Variants in SVIL observed in about 807,000 individuals in gnomAD.
SVIL encodes the protein supervillin, also known as archvillin.
In SVIL, 101 loss-of-function variants were observed where a neutral mutation model predicts 240.4. The observed-to-expected ratio is 0.42, with a 90% CI of 0.36 to 0.50. SVIL has a LOEUF of 0.50. Ranked by LOEUF, SVIL falls within the 20% of genes least tolerant of loss-of-function variation. SVIL has a pLI of 0.01. For synonymous variants in SVIL, 999 were observed against 1,100.0 expected, an observed-to-expected ratio of 0.91 and a Z score of 1.82; for missense variants, 2,512 against 2,818.7, an observed-to-expected ratio of 0.89 and a Z score of 2.46.
chr10:29,538,997 T>C (rs567584103), intron 6 of SVIL, among the ~76,000 whole-genome samples: 281 of 152,180 alleles, frequency 1.8e-3, no homozygotes, highest in African/African-American at 6.6e-3. Context: ...ACTCTGTCTG[T>C]ATTTAAAAAA....
chr10:29,699,210 C>T (rs572912852), intron 1 of SVIL, among the ~76,000 whole-genome samples: 2 of 152,286 alleles, frequency 1.3e-5, no homozygotes, highest in African/African-American at 4.8e-5. Context: ...CTCACTGAAG[C>T]CTCCAACTCC....
At chr10:29,495,292 T>C (rs1443532897) in intron 18 of SVIL, 111 bp from the exon 19 acceptor site, 4 of 607,362 alleles carry the variant, frequency 6.6e-6, no homozygotes, top group Non-Finnish European at 1.1e-5. Flanking sequence ...CATATAAGAA[T>C]TTACACACAT....
At chr10:29,545,585 G>A (rs368371448) in intron 6 of SVIL, among the ~76,000 whole-genome samples, 10 of 152,046 alleles carry the variant, frequency 6.6e-5, no homozygotes, top group African/African-American at 2.4e-4. Context: ...AGCCGGGCGT[G>A]GTGGCTCACG....
intron 2 of SVIL, among the ~76,000 whole-genome samples, chr10:29,669,320 T>C (rs958229357): frequency 6.6e-5 from 10 of 152,194 alleles, no homozygotes; most frequent in Admixed American, 1.3e-4. Flanking sequence ...TGCACGAAAC[T>C]TGCAAAGTGG....
In SVIL at chr10:29,458,418, C is replaced by T. The variant is rs773668232; in HGVS notation, c.6558+16G>A. ...TGTTTTACTCCCATCCCCACCCCAC[C>T]GGAAGAACCGCTTACCTCGAAGTCT... is the stretch of plus-strand genomic sequence containing the variant. On this transcript the variant is annotated intron_variant, in intron 37 of 37. Coordinates refer to ENST00000355867, the MANE Select transcript of SVIL (RefSeq NM_021738.3). 1.1e-5 allele frequency: 18 copies of T among 1,593,242 alleles called. No individual in the cohort carries two copies. The East Asian group carries it at 2.7e-4, about 24-fold the overall frequency.
At chr10:29,714,054 C>T (rs1589564603) in intron 1 of SVIL, among the ~76,000 whole-genome samples, 1 of 152,312 alleles carries the variant, frequency 6.6e-6, no homozygotes, top group East Asian at 1.9e-4. Context: ...GCAATGTCAT[C>T]ATCTAATTCC....
At chr10:29,481,841 C>G in intron 27 of SVIL, 113 bp from the exon 28 acceptor site, 1 of 909,088 alleles carries the variant, frequency 1.1e-6, no homozygotes, top group Non-Finnish European at 1.7e-6. Flanking sequence ...CCTCAAAGTA[C>G]GTGAGTACAT....
chr10:29,606,232 A>G (rs1833749988), intron 1 of SVIL, among the ~76,000 whole-genome samples: 2 of 151,614 alleles, frequency 1.3e-5, no homozygotes, highest in South Asian at 4.2e-4. Flanking sequence ...TTCTGTAGAG[A>G]TGGAGTCTTG....
intron 2 of SVIL, among the ~76,000 whole-genome samples, chr10:29,661,469 G>C (rs1191515359): frequency 2.6e-5 from 4 of 152,198 alleles, no homozygotes; most frequent in Non-Finnish European, 5.9e-5. Context: ...AGGAGAATGA[G>C]CATGATTAAT....
intron 6 of SVIL, among the ~76,000 whole-genome samples, chr10:29,537,776 C>T (rs1315194717): frequency 6.6e-6 from 1 of 152,212 alleles, no homozygotes. Flanking sequence ...TATTGTACGT[C>T]TTGCTGTAAC....
At chr10:29,525,050 G>A (rs1033095178) in intron 13 of SVIL, among the ~76,000 whole-genome samples, 2 of 152,144 alleles carry the variant, frequency 1.3e-5, no homozygotes, top group African/African-American at 4.8e-5. Context: ...TAGAATGAAA[G>A]GGAGTCACAA....
At chr10:29,631,399 T>A (rs2132949806) in intron 1 of SVIL, among the ~76,000 whole-genome samples, 1 of 144,136 alleles carries the variant, frequency 6.9e-6, no homozygotes, top group Non-Finnish European at 1.5e-5. Flanking sequence ...ATCCCAGCAC[T>A]TTGGGAGGCC....
chr10:29,696,282 G>A (rs1164569863), intron 1 of SVIL, among the ~76,000 whole-genome samples: 2 of 152,036 alleles, frequency 1.3e-5, no homozygotes, highest in Non-Finnish European at 2.9e-5. Flanking sequence ...GGAGTGCAGT[G>A]GCATGATCTC....
At chr10:29,667,341 G>T (rs1959386354) in intron 2 of SVIL, among the ~76,000 whole-genome samples, 1 of 152,124 alleles carries the variant, frequency 6.6e-6, no homozygotes, top group South Asian at 2.1e-4. Flanking sequence ...ATGTGGATCA[G>T]CTTAAGAGAA....
chr10:29,629,350 C>T lies in SVIL; in HGVS notation c.-201+5070G>A, dbSNP rs574768201. Among the ~76,000 whole-genome samples the T allele has an allele frequency of 1.4e-3, 219 of 152,228 alleles. 1 individual carries two copies. The highest frequency in any genetic ancestry group is 2.1e-3 in the Non-Finnish European group (141 of 68,016). ...CAGCTGGTTGCTTCCATCTCAGGCA[C>T]GTGGCAAAGAATTAACCTAAGGCGG... On this transcript the variant is annotated intron_variant, in intron 1 of 37. Coordinates refer to ENST00000355867, the MANE Select transcript of SVIL (RefSeq NM_021738.3).
At chr10:29,608,050 G>A (rs568935928) in intron 1 of SVIL, among the ~76,000 whole-genome samples, 6 of 152,158 alleles carry the variant, frequency 3.9e-5, no homozygotes, top group African/African-American at 1.4e-4. Context: ...CTTATCAAAC[G>A]CTGTCAGCAG....
chr10:29,504,915 A>G (rs1398619215), intron 17 of SVIL, among the ~76,000 whole-genome samples: 1 of 152,266 alleles, frequency 6.6e-6, no homozygotes, highest in Non-Finnish European at 1.5e-5. Context: ...CACTTTATTC[A>G]TAATTGCCAA....
At chr10:29,582,597 A>G (rs976612252) in intron 1 of SVIL, among the ~76,000 whole-genome samples, 10 of 150,272 alleles carry the variant, frequency 6.7e-5, no homozygotes, top group African/African-American at 1.9e-4. Context: ...AAAATTAGCC[A>G]GGAATGATGG....
At chr10:29,559,460 T>A (rs1746726271) in intron 3 of SVIL, among the ~76,000 whole-genome samples, 1 of 152,198 alleles carries the variant, frequency 6.6e-6, no homozygotes, top group Non-Finnish European at 1.5e-5. Flanking sequence ...CAAAAAAGAA[T>A]AAGAATGCTT....
Sources: allele counts gnomAD v4.1 joint callset (sites outside exome capture counted in the v4.1 genomes callset), GRCh38; gene constraint gnomAD v4.1.1; transcripts MANE v1.5; gene names NCBI Gene and HGNC (gene_info 2026-07-23, HGNC 2026-07-21).